TCP11L2: variants seen among roughly 807,000 people sequenced by gnomAD.
TCP11L2 encodes t-complex 11 like 2.
TCP11L2 carries 39 observed loss-of-function variants against 50.7 expected under a neutral mutation model. That is an observed-to-expected ratio of 0.77 (90% CI 0.60 to 1.01). The LOEUF (loss-of-function observed/expected upper bound fraction) is 1.01. TCP11L2 is among the 50% of genes least tolerant of loss of function. The pLI is 0.00. For synonymous variants in TCP11L2, 192 were observed against 219.3 expected, an observed-to-expected ratio of 0.88 and a Z score of 1.10; for missense variants, 612 against 614.7, an observed-to-expected ratio of 1.00 and a Z score of 0.05.
At chr12:106,335,515 C>T (rs1452280586) in intron 6 of TCP11L2, 124 bp from the exon 7 acceptor site, 3 of 941,586 alleles carry the variant, frequency 3.2e-6, no homozygotes, top group Non-Finnish European at 4.8e-6. Context: ...CTGTAAACTC[C>T]TTGCAGGGCA....
chr12:106,305,962 G>A (rs1009596273), intron 1 of TCP11L2, among the ~76,000 whole-genome samples: 2 of 152,150 alleles, frequency 1.3e-5, no homozygotes, highest in Non-Finnish European at 2.9e-5. Flanking sequence ...AGTGACTTAG[G>A]AAAAGGGAAC....
chr12:106,312,238 C>T (rs2034882198), intron 2 of TCP11L2: 1 of 414,652 alleles, frequency 2.4e-6, no homozygotes, highest in Non-Finnish European at 4.6e-6. Context: ...ATTGATTAAT[C>T]ACTGGACATT....
chr12:106,342,441 C>G (rs1321123244), intron 9 of TCP11L2, among the ~76,000 whole-genome samples: 1 of 152,206 alleles, frequency 6.6e-6, no homozygotes, highest in East Asian at 1.9e-4. Context: ...TGACATGCAT[C>G]TGTCCTCAGA....
intron 9 of TCP11L2, among the ~76,000 whole-genome samples, chr12:106,341,956 A>C (rs530705857): frequency 6.6e-6 from 1 of 152,266 alleles, no homozygotes; most frequent in South Asian, 2.1e-4. Context: ...GCCAAGGAAG[A>C]GTCAGTTTTC....
chr12:106,326,213 C>T (rs999695796), intron 6 of TCP11L2, among the ~76,000 whole-genome samples: 6 of 152,096 alleles, frequency 3.9e-5, no homozygotes, highest in East Asian at 1.9e-4. Flanking sequence ...ACAAAACAGG[C>T]GCCACATTTA....
chr12:106,340,812 T>C lies in TCP11L2; in HGVS notation c.1143-14T>C. The C allele has an allele frequency of 6.4e-6, 10 of 1,556,194 alleles. No individual in the cohort carries two copies. The highest frequency in any genetic ancestry group is 8.6e-6 in the Non-Finnish European group (10 of 1,156,354). On this transcript the variant is annotated splice_polypyrimidine_tract_variant and intron_variant, in intron 8 of 9. Transcript: ENST00000299045. ...AAAACTTTCCCTGGTGGAATTTCAT[T>C]TTATGTTTCATAGGACCTTTAACTT... is the stretch of plus-strand genomic sequence containing the variant.
At chr12:106,301,142 T>G (rs967078026), upstream of TCP11L2, among the ~76,000 whole-genome samples, 1 of 152,192 alleles carries the variant, frequency 6.6e-6, no homozygotes, top group Non-Finnish European at 1.5e-5. Flanking sequence ...TGATTACTTA[T>G]CCAACGAATG....
At chr12:106,323,166 T>C (rs2136711801) in intron 5 of TCP11L2, among the ~76,000 whole-genome samples, 1 of 152,340 alleles carries the variant, frequency 6.6e-6, no homozygotes, top group South Asian at 2.1e-4. Context: ...GCCTTGTCCT[T>C]TCTTTTTTTA....
upstream of TCP11L2, among the ~76,000 whole-genome samples, chr12:106,298,103 T>C (rs995949059): frequency 6.6e-6 from 1 of 152,226 alleles, no homozygotes; most frequent in Non-Finnish European, 1.5e-5. Context: ...GAAATAACTG[T>C]TAATTTTTTT....
upstream of TCP11L2, among the ~76,000 whole-genome samples, chr12:106,300,767 T>C (rs1271882519): frequency 2.6e-5 from 4 of 152,214 alleles, no homozygotes; most frequent in African/African-American, 9.7e-5. Context: ...TCAGCTTGGT[T>C]CTCTGATGTT....
At chr12:106,335,937 A>G in intron 7 of TCP11L2, 95 bp from the exon 8 acceptor site, 1 of 1,499,772 alleles carries the variant, frequency 6.7e-7, no homozygotes, top group Non-Finnish European at 8.9e-7. Flanking sequence ...CAAAAATCAG[A>G]TAAAAATGGG....
chr12:106,306,298 T>A (rs2034631383), intron 1 of TCP11L2, among the ~76,000 whole-genome samples: 1 of 152,260 alleles, frequency 6.6e-6, no homozygotes, highest in African/African-American at 2.4e-5. Context: ...AGGAATACCA[T>A]GTTGTCTACC....
At chr12:106,334,852 A>G (rs932513188) in intron 6 of TCP11L2, among the ~76,000 whole-genome samples, 3 of 152,140 alleles carry the variant, frequency 2.0e-5, no homozygotes, top group African/African-American at 7.2e-5. Context: ...GAGGCAGGAG[A>G]ATCGCTTGAA....
chr12:106,314,862 C>T (rs2035017804), intron 3 of TCP11L2, among the ~76,000 whole-genome samples: 1 of 151,678 alleles, frequency 6.6e-6, no homozygotes, highest in African/African-American at 2.4e-5. Flanking sequence ...AAATATTATC[C>T]AGCATGGTGG....
intron 6 of TCP11L2, chr12:106,329,302 G>A (rs1565854235): frequency 2.0e-6 from 3 of 1,536,060 alleles, no homozygotes; most frequent in Non-Finnish European, 2.6e-6. Flanking sequence ...AAACGAATGA[G>A]TGGAAAAATT....
At chr12:106,338,492 A>G (rs1210769950) in intron 8 of TCP11L2, among the ~76,000 whole-genome samples, 1 of 152,200 alleles carries the variant, frequency 6.6e-6, no homozygotes, top group African/African-American at 2.4e-5. Context: ...AAAGAACATG[A>G]TCTTATTCTT....
chr12:106,299,504 A>G (rs1332454268), upstream of TCP11L2, among the ~76,000 whole-genome samples: 1 of 152,212 alleles, frequency 6.6e-6, no homozygotes, highest in Non-Finnish European at 1.5e-5. Flanking sequence ...AAAGCACAGT[A>G]TTAAGAATCT....
intron 9 of TCP11L2, among the ~76,000 whole-genome samples, chr12:106,342,254 G>A (rs1174799483): frequency 2.0e-5 from 3 of 152,172 alleles, no homozygotes; most frequent in African/African-American, 2.4e-5. Flanking sequence ...TATCCCTGGG[G>A]ACATGGAATG....
chr12:106,334,936 G>A (rs567829882), intron 6 of TCP11L2, among the ~76,000 whole-genome samples: 15 of 151,578 alleles, frequency 9.9e-5, no homozygotes, highest in Non-Finnish European at 1.6e-4. Context: ...GTGAGACCCC[G>A]TCTTAAAAAA....
Sources: allele counts gnomAD v4.1 joint callset (sites outside exome capture counted in the v4.1 genomes callset), GRCh38; gene constraint gnomAD v4.1.1; transcripts MANE v1.5; gene names NCBI Gene and HGNC (gene_info 2026-07-23, HGNC 2026-07-21).